The following ZCCHC14 variants were observed in gnomAD, a reference collection of about 807,000 sequenced individuals.
ZCCHC14 encodes the protein zinc finger CCHC domain-containing protein 14.
Under a neutral mutation model 85.0 loss-of-function variants are expected in ZCCHC14, and 16 were observed. The observed-to-expected ratio is 0.19, with a 90% confidence interval of 0.13 to 0.29. ZCCHC14 has a LOEUF of 0.29. Ranked by LOEUF, ZCCHC14 falls within the 10% of genes least tolerant of loss-of-function variation. The pLI is 1.00. For synonymous variants in ZCCHC14, 775 were observed against 630.7 expected, an observed-to-expected ratio of 1.23 and a Z score of -3.43; for missense variants, 1,303 against 1,443.5, an observed-to-expected ratio of 0.90 and a Z score of 1.58.
rs541097170 is a variant in ZCCHC14 at position 87,436,301 on chromosome 16, G to C, written c.695-3100C>G. 1.2e-3 allele frequency among the ~76,000 whole-genome samples: 190 copies of C among 152,392 alleles called. 2 individuals carry two copies. Among genetic ancestry groups the C allele is most frequent in the African/African-American group, 4.2e-3 (176 of 41,600 alleles). On this transcript the variant is annotated intron_variant, in intron 2 of 12. Transcript: ENST00000671377. ...TGTTGGCGCATCCCTCTGCAGAATG[G>C]CTAGCCTGGGCAGTGGCGGCCCCCC...
intron 4 of ZCCHC14, among the ~76,000 whole-genome samples, chr16:87,423,478 C>A (rs1266740749): frequency 6.6e-6 from 1 of 152,238 alleles, no homozygotes; most frequent in Non-Finnish European, 1.5e-5. Flanking sequence ...GCATGCCTCT[C>A]TCCCCCAGCC....
chr16:87,412,738 C>A lies in ZCCHC14; in HGVS notation c.1983G>T (p.Lys661Asn), dbSNP rs201751346. Reference sequence around the variant, plus strand: ...GTGAGTGCACAGAAGACGAGAGGAGCTTCATGTCCGCGCTCCCTCTTTCCG... The same window carrying A: ...GTGAGTGCACAGAAGACGAGAGGAGATTCATGTCCGCGCTCCCTCTTTCCG... ...HKPERGSADM[K>N]LLSSSVHSLL... The change falls in exon 12 of 13, where the codon AAG becomes AAT. Residue 661 changes from lysine to asparagine, a missense_variant. Around this residue, in one of 7 missense-constraint regions of ZCCHC14, gnomAD observed 797 missense variants for 730.8 expected, o/e 1.09. Transcript: ENST00000671377. The A allele has an allele frequency of 1.2e-6, 2 of 1,614,104 alleles. No individual in the cohort carries two copies. The highest frequency in any genetic ancestry group is 1.7e-6 in the Non-Finnish European group (2 of 1,180,050).
At chr16:87,474,662 G>C (rs780288599) in intron 1 of ZCCHC14, among the ~76,000 whole-genome samples, 3 of 152,336 alleles carry the variant, frequency 2.0e-5, no homozygotes, top group Admixed American at 6.5e-5. Flanking sequence ...GTCCTCCTCA[G>C]AGAAGGGGGG....
At position 87,492,560 on chromosome 16, in the gene ZCCHC14, C is replaced by A; in HGVS notation, c.-322G>T. On this transcript the variant is annotated 5_prime_UTR_variant, in exon 1 of 13. Coordinates refer to ENST00000671377, the MANE Select transcript of ZCCHC14 (RefSeq NM_015144.3). The surrounding 1 kb of genome is among the most constrained non-coding windows in gnomAD (Gnocchi z 6.7). ...GAGGCGCCTTCCCCGCGCCCGTGCCCAGCGGCGGCCGGTGCGCGGCGGCGG... is the reference window on the plus strand; with the variant it reads ...GAGGCGCCTTCCCCGCGCCCGTGCCAAGCGGCGGCCGGTGCGCGGCGGCGG... The A allele has an allele frequency of 6.8e-6, 1 of 146,452 alleles. No homozygotes were observed. Among genetic ancestry groups the A allele is most frequent in the South Asian group, 1.9e-4 (1 of 5,360 alleles). 9.1% of individuals were successfully genotyped at this position (146,452 alleles called of 1,614,324 possible). A position where few individuals can be genotyped will look rare whatever the true frequency, so the allele number is the denominator to read the frequency against.
chr16:87,426,517 A>G (rs1909379538), intron 3 of ZCCHC14, among the ~76,000 whole-genome samples: 1 of 152,220 alleles, frequency 6.6e-6, no homozygotes, highest in Non-Finnish European at 1.5e-5. Flanking sequence ...GGATGTCCTC[A>G]CACGCAGGGT....
chr16:87,486,303 C>T (rs1413515051), intron 1 of ZCCHC14, among the ~76,000 whole-genome samples: 3 of 152,034 alleles, frequency 2.0e-5, no homozygotes, highest in Non-Finnish European at 1.5e-5. Context: ...CCACACGGAC[C>T]AGGGATCCTC....
intron 4 of ZCCHC14, among the ~76,000 whole-genome samples, chr16:87,423,042 G>T (rs1235900103): frequency 2.0e-5 from 3 of 152,206 alleles, no homozygotes; most frequent in African/African-American, 4.8e-5. Flanking sequence ...GCTTTATAAT[G>T]AAAAGTAAGG....
At chr16:87,472,325 A>G (rs1435756309) in intron 1 of ZCCHC14, 1 of 152,226 alleles carries the variant, frequency 6.6e-6, no homozygotes, top group African/African-American at 2.4e-5. Flanking sequence ...TGGTGCAAGG[A>G]TTGAAGTAGC....
chr16:87,461,500 G>A (rs929057751), intron 1 of ZCCHC14, among the ~76,000 whole-genome samples: 1 of 152,234 alleles, frequency 6.6e-6, no homozygotes, highest in African/African-American at 2.4e-5. Flanking sequence ...GTATGGGAAA[G>A]TACATGGCAC....
At chr16:87,456,561 A>T (rs866104351) in intron 2 of ZCCHC14, among the ~76,000 whole-genome samples, 1 of 147,730 alleles carries the variant, frequency 6.8e-6, no homozygotes, top group African/African-American at 2.5e-5. Context: ...AAAAAAAAAA[A>T]AATTTAGATT....
intron 1 of ZCCHC14, among the ~76,000 whole-genome samples, chr16:87,476,347 T>C (rs1460856539): frequency 4.6e-5 from 7 of 152,130 alleles, no homozygotes; most frequent in Non-Finnish European, 1.0e-4. Context: ...TGTGAGTATA[T>C]ATAAAAGACA....
intron 6 of ZCCHC14, 47 bp downstream of exon 6, chr16:87,419,736 G>GTT (rs372390408): frequency 1.8e-3 from 1,966 of 1,105,874 alleles, no homozygotes; most frequent in South Asian, 2.7e-3. Context: ...GCGCCCAGCT[G>GTT]TTTTTTTTTT....
At chr16:87,461,303 C>T (rs1450603760) in intron 1 of ZCCHC14, among the ~76,000 whole-genome samples, 1 of 152,202 alleles carries the variant, frequency 6.6e-6, no homozygotes, top group Non-Finnish European at 1.5e-5. Context: ...ACCTTCATTC[C>T]CTCCCCATCA....
intron 2 of ZCCHC14, among the ~76,000 whole-genome samples, chr16:87,455,383 G>A (rs1910908299): frequency 6.6e-6 from 1 of 152,058 alleles, no homozygotes; most frequent in Middle Eastern, 3.2e-3. Flanking sequence ...ACAACACAGT[G>A]ACAAGAGGCT....
At chr16:87,447,717 T>C (rs946042886) in intron 2 of ZCCHC14, among the ~76,000 whole-genome samples, 1 of 152,220 alleles carries the variant, frequency 6.6e-6, no homozygotes, top group Non-Finnish European at 1.5e-5. Flanking sequence ...TTGGGATAAA[T>C]TCCCTAGGAC....
At chr16:87,456,231 T>C (rs549623790) in intron 2 of ZCCHC14, among the ~76,000 whole-genome samples, 1 of 152,242 alleles carries the variant, frequency 6.6e-6, no homozygotes, top group Admixed American at 6.5e-5. Flanking sequence ...TGTGGGCATT[T>C]TAGAATTTAG....
intron 1 of ZCCHC14, among the ~76,000 whole-genome samples, chr16:87,474,607 G>C (rs1009252639): frequency 6.6e-6 from 1 of 152,194 alleles, no homozygotes; most frequent in Non-Finnish European, 1.5e-5. Flanking sequence ...TGTGCCCAGA[G>C]CGAGCTGAGC....
At position 87,408,409 on chromosome 16, in the gene ZCCHC14, T is replaced by TA. The variant is rs1440371421; in HGVS notation, c.*1870dup. 6 of 152,624 alleles carry TA rather than the reference T, an allele frequency of 3.9e-5. No individual in the cohort carries two copies. The highest frequency in any genetic ancestry group is 8.8e-5 in the Non-Finnish European group (6 of 68,032). 9.5% of individuals were successfully genotyped at this position (152,624 alleles called of 1,614,324 possible). A position where few individuals can be genotyped will look rare whatever the true frequency, so the allele number is the denominator to read the frequency against. On this transcript the variant is annotated 3_prime_UTR_variant, in exon 13 of 13. Transcript: ENST00000671377. ...AAATCGTAAACATCAATGAACACTC[T>TA]AAGTCTTCCTTAAACGTAATATGAG...
intron 1 of ZCCHC14, among the ~76,000 whole-genome samples, chr16:87,474,893 G>C (rs148264081): frequency 1.3e-5 from 2 of 152,224 alleles, no homozygotes; most frequent in South Asian, 4.1e-4. Context: ...ACTGAGCAGA[G>C]ATATTAGCTG....
Sources: gnomAD v4.1 joint callset for allele counts (sites outside exome capture counted in the v4.1 genomes callset) on GRCh38, gnomAD v4.1.1 for gene constraint, gnomAD v4.1.1 regional missense constraint, Gnocchi (gnomAD v3.1) non-coding constraint, MANE v1.5 for transcripts, NCBI Gene and HGNC (gene_info 2026-07-23, HGNC 2026-07-21) for gene names.